Variants in PROZ observed in about 807,000 individuals in gnomAD.
The protein encoded by PROZ is protein Z, vitamin K dependent plasma glycoprotein.
Under a neutral mutation model 34.9 loss-of-function variants are expected in PROZ, and 46 were observed. The observed-to-expected ratio is 1.32, with a 90% CI of 1.04 to 1.69. The LOEUF (loss-of-function observed/expected upper bound fraction) is 1.69. PROZ is among the 40% of genes most tolerant of loss of function. PROZ has a pLI of 0.00. For missense variants in PROZ, 530 were observed against 520.4 expected (o/e 1.02, Z -0.18); for synonymous variants, 195 against 208.5 (o/e 0.94, Z 0.56).
Position 113,159,115 on chromosome 13 carries a change from G to C in PROZ, c.70+385G>C. On this transcript the variant is annotated intron_variant, in intron 1 of 7. Transcript: ENST00000375547. The surrounding 1 kb of genome is among the most constrained non-coding windows in gnomAD (Gnocchi z 4.6). ...TGTGGGCAGAGAGAGCCTTGGCCAG[G>C]CCAGCCAGGAATGCCCAGTCTTGAG... is the stretch of plus-strand genomic sequence containing the variant. 6 of 1,137,094 alleles carry C rather than the reference G, an allele frequency of 5.3e-6. No homozygotes were observed. The South Asian group carries it at 8.2e-5, about 16-fold the overall frequency. The allele number at this position is 1,137,094 out of a possible 1,614,324, so 70.4% of individuals were successfully genotyped here.
chr13:113,161,319 G>A (rs1312226598), intron 3 of PROZ, among the ~76,000 whole-genome samples: 2 of 152,200 alleles, frequency 1.3e-5, no homozygotes, highest in East Asian at 1.9e-4. Context: ...GCTGCAGCAG[G>A]GTCAGAACTC....
chr13:113,163,621 C>T (rs564753774), intron 4 of PROZ, among the ~76,000 whole-genome samples: 1 of 152,304 alleles, frequency 6.6e-6, no homozygotes, highest in East Asian at 1.9e-4. Context: ...AAACCTTCCT[C>T]CCAGCCGAGC....
In PROZ at chr13:113,171,428, T is replaced by C. The variant is rs937693716; in HGVS notation, c.692-166T>C. Among the ~76,000 whole-genome samples, 2 of 152,186 alleles carry C rather than the reference T, an allele frequency of 1.3e-5. No homozygotes were observed. The highest frequency in any genetic ancestry group is 2.9e-5 in the Non-Finnish European group (2 of 68,022). On this transcript the variant is annotated intron_variant, in intron 7 of 7. Coordinates refer to ENST00000375547, the MANE Select transcript of PROZ (RefSeq NM_003891.3). This position sits in a 1 kb window ranked among gnomAD's most constrained non-coding sequence, Gnocchi z 5.1. ...GCAATCGTGCAATCTGTGAGTGGCC[T>C]TTCTGTCCGCAGAAAGGCACAGTGT...
chr13:113,170,431 G>A lies in PROZ; in HGVS notation c.592G>A (p.Glu198Lys), dbSNP rs143024570. Reference protein sequence around the residue: ...LPWQVKLTNSEGKDFCGGVII... With the variant: ...LPWQVKLTNSKGKDFCGGVII... ...TTTAAAGGTAAAGTTAACAAATTCC[G>A]AAGGAAAAGACTTCTGTGGTGGTGT... Residue 198 changes from glutamate to lysine, a missense_variant, in exon 7 of 8, where the codon GAA becomes AAA. Physicochemically the swap from Glu to Lys is moderately conservative, Grantham distance 56 (BLOSUM62 1). Coordinates refer to ENST00000375547, the MANE Select transcript of PROZ (RefSeq NM_003891.3). 7.4e-4 allele frequency: 1,186 copies of A among 1,603,744 alleles called. No individual in the cohort carries two copies. The highest frequency in any genetic ancestry group is 9.4e-4 in the Non-Finnish European group (1,096 of 1,170,766).
chr13:113,159,203 T>G lies in PROZ; in HGVS notation c.70+473T>G, dbSNP rs905441909. On this transcript the variant is annotated intron_variant, in intron 1 of 7. Coordinates refer to ENST00000375547, the MANE Select transcript of PROZ (RefSeq NM_003891.3). The surrounding 1 kb of genome is among the most constrained non-coding windows in gnomAD (Gnocchi z 4.6). ...CTGCCACCCTTCTACCACCAGCCAC[T>G]TCACTGAAGGAACGACATGGACTCC... 19 of 1,542,810 alleles carry G rather than the reference T, an allele frequency of 1.2e-5. No individual in the cohort carries two copies. The African/African-American group carries it at 2.5e-4, about 20-fold the overall frequency.
chr13:113,159,392 G>C lies in PROZ; in HGVS notation c.71-622G>C. The C allele has an allele frequency of 1.0e-6, 1 of 975,528 alleles. No homozygotes were observed. The highest frequency in any genetic ancestry group is 1.5e-6 in the Non-Finnish European group (1 of 648,346). 60.4% of individuals were successfully genotyped at this position (975,528 alleles called of 1,614,324 possible). A position where few individuals can be genotyped will look rare whatever the true frequency, so the allele number is the denominator to read the frequency against. On this transcript the variant is annotated intron_variant, in intron 1 of 7. Coordinates refer to ENST00000375547, the MANE Select transcript of PROZ (RefSeq NM_003891.3). This position sits in a 1 kb window ranked among gnomAD's most constrained non-coding sequence, Gnocchi z 4.6. ...ACTTACCGTAGCCGGACTTAGCTGA[G>C]CCCCCCCTGCTGTAACCCTCAGCAC... is the stretch of plus-strand genomic sequence containing the variant.
intron 6 of PROZ, among the ~76,000 whole-genome samples, chr13:113,170,158 T>C (rs2037065918): frequency 6.6e-6 from 1 of 152,228 alleles, no homozygotes; most frequent in Non-Finnish European, 1.5e-5. Context: ...TGATCACTGT[T>C]ACTTCACCTG....
chr13:113,164,869 G>A (rs1202813559), intron 5 of PROZ, 184 bp from the exon 6 acceptor site: 3 of 925,818 alleles, frequency 3.2e-6, no homozygotes, highest in East Asian at 5.2e-5. Context: ...CATGAGTGCT[G>A]TGAGGGGTGG....
rs2036745980 is a variant in PROZ at position 113,160,801 on chromosome 13, A to C, written c.235-147A>C. ...ATTTAACATAAACAAATAGGCTGTAAAACAGGAAAATTGTGCATTGTTTCA... is the reference window on the plus strand; with the variant it reads ...ATTTAACATAAACAAATAGGCTGTACAACAGGAAAATTGTGCATTGTTTCA... On this transcript the variant is annotated intron_variant, in intron 2 of 7. Coordinates refer to ENST00000375547, the MANE Select transcript of PROZ (RefSeq NM_003891.3). 5.7e-6 allele frequency: 4 copies of C among 707,564 alleles called. No individual in the cohort carries two copies. The Admixed American group carries it at 6.8e-5, about 12-fold the overall frequency. The allele number at this position is 707,564 out of a possible 1,614,324, so 43.8% of individuals were successfully genotyped here.
chr13:113,160,093 C>T lies in PROZ; in HGVS notation c.150C>T (p.Phe50=), dbSNP rs1199803308. 3.7e-6 allele frequency: 6 copies of T among 1,614,070 alleles called. No homozygotes were observed. Among genetic ancestry groups the T allele is most frequent in the South Asian group, 1.1e-5 (1 of 91,082 alleles). ...GCTCCTATCTTCTGGAAGAACTCTT[C>T]GAGGGAAACTTGGAAAAAGAATGTT... ...RAGSYLLEEL[F]EGNLEKECYE... Residue 50 remains phenylalanine (F), a synonymous_variant, in exon 2 of 8, where the codon TTC becomes TTT. Coordinates refer to ENST00000375547, the MANE Select transcript of PROZ (RefSeq NM_003891.3).
Position 113,158,818 on chromosome 13 carries a change from A to C in PROZ, c.70+88A>C. The C allele has an allele frequency of 7.8e-7, 1 of 1,280,758 alleles. No homozygotes were observed. Among genetic ancestry groups the C allele is most frequent in the Non-Finnish European group, 1.1e-6 (1 of 908,338 alleles). The allele number at this position is 1,280,758 out of a possible 1,614,324, so 79.3% of individuals were successfully genotyped here. ...TGGATTTGTAGATGAGGCTTTTTCC[A>C]GGAGCCAGAGGAGCCCTGAGTGCCC... is the stretch of plus-strand genomic sequence containing the variant. On this transcript the variant is annotated intron_variant, in intron 1 of 7. Coordinates refer to ENST00000375547, the MANE Select transcript of PROZ (RefSeq NM_003891.3). This position sits in a 1 kb window ranked among gnomAD's most constrained non-coding sequence, Gnocchi z 4.3.
rs746186719 is a variant in PROZ at position 113,172,141 on chromosome 13, G to A, written c.*36G>A. ...GCTAGCCAGAATGAACAACACAACCGGAAGCGGGATTCCAAGCTGGCACTG... is the reference window on the plus strand; with the variant it reads ...GCTAGCCAGAATGAACAACACAACCAGAAGCGGGATTCCAAGCTGGCACTG... On this transcript the variant is annotated 3_prime_UTR_variant, in exon 8 of 8. Coordinates refer to ENST00000375547, the MANE Select transcript of PROZ (RefSeq NM_003891.3). 15 of 1,607,046 alleles carry A rather than the reference G, an allele frequency of 9.3e-6. No homozygotes were observed. The highest frequency in any genetic ancestry group is 8.4e-5 in the Admixed American group (5 of 59,526).
chr13:113,163,289 T>C (rs2036802877), intron 4 of PROZ, among the ~76,000 whole-genome samples, 167 bp downstream of exon 4: 1 of 152,000 alleles, frequency 6.6e-6, no homozygotes, highest in African/African-American at 2.4e-5. Flanking sequence ...AACCAGATTC[T>C]CCTCCAGAAA....
chr13:113,161,611 C>T (rs1397146413), intron 3 of PROZ, among the ~76,000 whole-genome samples: 8 of 152,202 alleles, frequency 5.3e-5, no homozygotes, highest in East Asian at 1.9e-4. Flanking sequence ...CAGAGGGGAC[C>T]GCGTGCGGAC....
rs767002337 is a variant in PROZ at position 113,171,883 on chromosome 13, C to T, written c.981C>T (p.Cys327=). The T allele has an allele frequency of 9.3e-6, 15 of 1,613,690 alleles. No individual in the cohort carries two copies. Among genetic ancestry groups the T allele is most frequent in the Non-Finnish European group, 1.3e-5 (15 of 1,180,026 alleles). Residue 327 remains cysteine, a synonymous_variant, in exon 8 of 8, where the codon TGC becomes TGT. Coordinates refer to ENST00000375547, the MANE Select transcript of PROZ (RefSeq NM_003891.3). The surrounding 1 kb of genome is among the most constrained non-coding windows in gnomAD (Gnocchi z 5.1). ...RPVTLVEGEE[C]GQVLNVTVTT... ...TCACACTTGTGGAGGGGGAGGAGTG[C>T]GGGCAGGTCCTGAATGTGACTGTCA...
rs199791576 is a variant in PROZ at position 113,163,459 on chromosome 13, A to G, written c.373+337A>G. On this transcript the variant is annotated intron_variant, in intron 4 of 7. Transcript: ENST00000375547. The stretch of plus-strand genomic sequence containing the variant: ...CAGGCGTCCTCAGTGCCAGACTCCC[A>G]GTGGGAGACTGCAGACAGGGAAGAC... Among the ~76,000 whole-genome samples the G allele has an allele frequency of 7.1e-3, 1,084 of 152,200 alleles. 12 individuals are homozygous for G. The highest frequency in any genetic ancestry group is 0.025 in the African/African-American group (1,033 of 41,530).
Position 113,160,168 on chromosome 13 carries a change from A to G in PROZ, c.225A>G (p.Glu75=). ...AAGCAAGAGAAGTGTTTGAAAATGA[A>G]GTAGTCACTGTATGTACCCCCACCA... ...YEEAREVFEN[E]VVTDEFWRRY... is the part of the protein sequence containing the mutation. Residue 75 remains glutamate (E), a synonymous_variant, in exon 2 of 8, where the codon GAA becomes GAG. Transcript: ENST00000375547. 6.2e-7 allele frequency: 1 copy of G among 1,614,114 alleles called. No homozygotes were observed.
At chr13:113,169,704 T>C (rs1187839006) in intron 6 of PROZ, among the ~76,000 whole-genome samples, 1 of 152,230 alleles carries the variant, frequency 6.6e-6, no homozygotes, top group Non-Finnish European at 1.5e-5. Flanking sequence ...CCCCACTGAG[T>C]CAGGGATGTT....
rs573036528 is a variant in PROZ at position 113,163,356 on chromosome 13, T to G, written c.373+234T>G. The stretch of plus-strand genomic sequence containing the variant: ...CCCCTTCCAGACAGGCCCCCATACT[T>G]TTCATAGCAGGGGCCCCTCTCCTCC... On this transcript the variant is annotated intron_variant, in intron 4 of 7. Transcript: ENST00000375547. 2.0e-5 allele frequency among the ~76,000 whole-genome samples: 3 copies of G among 152,150 alleles called. No homozygotes were observed. The South Asian group carries it at 6.2e-4, about 32-fold the overall frequency.
Sources: allele counts gnomAD v4.1 joint callset (sites outside exome capture counted in the v4.1 genomes callset), GRCh38; gene constraint gnomAD v4.1.1; non-coding constraint Gnocchi (gnomAD v3.1); transcripts MANE v1.5; gene names NCBI Gene and HGNC (gene_info 2026-07-23, HGNC 2026-07-21).